Variants in TRDN observed in about 807,000 individuals in gnomAD.
TRDN encodes triadin.
Under a neutral mutation model 149.7 loss-of-function variants are expected in TRDN, and 161 were observed. The observed-to-expected ratio is 1.08, with a 90% CI of 0.95 to 1.23. TRDN has a LOEUF of 1.23. Ranked by LOEUF, TRDN falls within the 50% of genes most tolerant of loss-of-function variation. The probability of loss-of-function intolerance (pLI) is 0.00; values close to 1 mark genes in which losing one functional copy is unlikely to be tolerated. For synonymous variants in TRDN, 294 were observed against 250.5 expected (o/e 1.17, Z -1.64); for missense variants, 896 against 823.5 (o/e 1.09, Z -1.08).
intron 1 of TRDN, among the ~76,000 whole-genome samples, chr6:123,588,096 C>T (rs570513934): frequency 6.6e-6 from 1 of 152,030 alleles, no homozygotes; most frequent in African/African-American, 2.4e-5. Context: ...TATCAGACCC[C>T]AAAAGGTGCT....
intron 38 of TRDN, among the ~76,000 whole-genome samples, chr6:123,225,009 G>GAGCCATATATTT (rs1322838596): frequency 2.6e-5 from 4 of 151,738 alleles, no homozygotes; most frequent in Non-Finnish European, 5.9e-5. Flanking sequence ...ATATCCAAAG[G>GAGCCATATATTT]AGGTTGATAC....
At chr6:123,629,466 A>G (rs890074563) in intron 1 of TRDN, among the ~76,000 whole-genome samples, 3 of 152,176 alleles carry the variant, frequency 2.0e-5, no homozygotes, top group Non-Finnish European at 4.4e-5. Context: ...AATGAGTTCC[A>G]GCTTCATGCT....
At chr6:123,367,763 C>G (rs1017254699) in intron 19 of TRDN, among the ~76,000 whole-genome samples, 41 of 152,188 alleles carry the variant, frequency 2.7e-4, no homozygotes, top group Non-Finnish European at 2.1e-4. Context: ...TGAGAACCTG[C>G]ATTTCTAACC....
chr6:123,507,231 T>C (rs1473775002), intron 7 of TRDN, among the ~76,000 whole-genome samples: 2 of 152,126 alleles, frequency 1.3e-5, no homozygotes, highest in Non-Finnish European at 2.9e-5. Context: ...ATGACAGCTA[T>C]CTACTCCTTG....
intron 7 of TRDN, among the ~76,000 whole-genome samples, chr6:123,508,020 C>A (rs941723933): frequency 2.7e-4 from 41 of 151,384 alleles, no homozygotes; most frequent in African/African-American, 9.9e-4. Flanking sequence ...ACTGTAACTG[C>A]CTCTTCCTCT....
chr6:123,509,120 G>A (rs948690225), intron 7 of TRDN, among the ~76,000 whole-genome samples: 1 of 151,262 alleles, frequency 6.6e-6, no homozygotes, highest in Non-Finnish European at 1.5e-5. Flanking sequence ...TTTTAAACAG[G>A]CACATATATA....
chr6:123,595,274 C>A (rs1040042703), intron 1 of TRDN, among the ~76,000 whole-genome samples: 8 of 151,992 alleles, frequency 5.3e-5, no homozygotes, highest in African/African-American at 1.9e-4. Flanking sequence ...CTTTTACAAA[C>A]CTCATCATTC....
chr6:123,328,739 G>A lies in TRDN; in HGVS notation c.1471+3140C>T, dbSNP rs186449721. The stretch of plus-strand genomic sequence containing the variant: ...ACTGTAGCACCAGAGAACTATTTAC[G>A]GCAACTGTTTTTCACCTTCTTTTCT... On this transcript the variant is annotated intron_variant, in intron 23 of 40. Coordinates refer to ENST00000334268, the MANE Select transcript of TRDN (RefSeq NM_006073.4). 4.9e-3 allele frequency among the ~76,000 whole-genome samples: 740 copies of A among 152,148 alleles called. 5 individuals are homozygous for A. The highest frequency in any genetic ancestry group is 8.1e-3 in the Non-Finnish European group (554 of 67,990).
chr6:123,464,926 G>A lies in TRDN; in HGVS notation c.911C>T (p.Pro304Leu), dbSNP rs750105528. Residue 304 changes from proline (P) to leucine (L), a missense_variant, in exon 10 of 41, where the codon CCG becomes CTG. Pro to Leu is a moderately conservative substitution (Grantham distance 98). Transcript: ENST00000334268. ...CTTGCCTTCAAGGGCAGGTGATGCC[G>A]GAGTGGGTCTGGAAGCTTGTTCTGT... is the stretch of plus-strand genomic sequence containing the variant. ...LPTEQASRPT[P>L]ASPALEEKEG... The A allele has an allele frequency of 5.4e-5, 86 of 1,593,550 alleles. No individual in the cohort carries two copies. The highest frequency in any genetic ancestry group is 6.6e-5 in the Non-Finnish European group (77 of 1,169,608).
chr6:123,565,909 G>T (rs1412200777), intron 2 of TRDN, among the ~76,000 whole-genome samples: 2 of 152,204 alleles, frequency 1.3e-5, no homozygotes, highest in African/African-American at 4.8e-5. Context: ...GTCAGTTTCA[G>T]TTTGTCCCAA....
intron 8 of TRDN, chr6:123,498,302 T>C (rs1324305161): frequency 3.6e-6 from 1 of 274,304 alleles, no homozygotes; most frequent in Non-Finnish European, 7.4e-6. Context: ...CAGATACACC[T>C]CTAAGGATTT....
At chr6:123,352,416 AC>A (rs1257309684) in intron 21 of TRDN, 122 bp downstream of exon 21, 1 of 1,430,970 alleles carries the variant, frequency 7.0e-7, no homozygotes, top group Non-Finnish European at 9.1e-7. Context: ...ACATGCAAGG[AC>A]AGTGATAAAG....
chr6:123,628,841 C>A, intron 1 of TRDN, among the ~76,000 whole-genome samples: 1 of 152,038 alleles, frequency 6.6e-6, no homozygotes, highest in Non-Finnish European at 1.5e-5. Flanking sequence ...TGAATAAAAC[C>A]AAACCTCTGG....
rs550565405 is a variant in TRDN, at chr6:123,524,319, T to C, written c.484+6187A>G. On this transcript the variant is annotated intron_variant, in intron 5 of 40. Transcript: ENST00000334268. ...TACCTGTGTAAAGTCAGGTGGGAAT[T>C]TTATAAGAAGGCTCAGAGACTTTAT... is the stretch of plus-strand genomic sequence containing the variant. Among the ~76,000 whole-genome samples the C allele has an allele frequency of 3.3e-4, 51 of 152,248 alleles. No homozygotes were observed. The South Asian group carries it at 4.6e-3, about 14-fold the overall frequency.
At chr6:123,232,728 A>T (rs1278446202) in intron 38 of TRDN, among the ~76,000 whole-genome samples, 4 of 151,998 alleles carry the variant, frequency 2.6e-5, no homozygotes, top group Non-Finnish European at 5.9e-5. Context: ...ACAAAAGAGT[A>T]AAAAGAGATT....
intron 2 of TRDN, among the ~76,000 whole-genome samples, chr6:123,564,822 G>A (rs1782197767): frequency 6.6e-6 from 1 of 152,154 alleles, no homozygotes; most frequent in Non-Finnish European, 1.5e-5. Context: ...TACAAAATTG[G>A]TTTGAAATAA....
At chr6:123,508,236 C>T (rs928247051) in intron 7 of TRDN, among the ~76,000 whole-genome samples, 1 of 151,956 alleles carries the variant, frequency 6.6e-6, no homozygotes, top group Non-Finnish European at 1.5e-5. Context: ...TATCAAAAAG[C>T]CATTTATCAA....
intron 38 of TRDN, 129 bp downstream of exon 38, chr6:123,252,283 C>A: frequency 2.3e-6 from 1 of 443,004 alleles, no homozygotes; most frequent in Non-Finnish European, 4.0e-6. Flanking sequence ...CTAATAAATT[C>A]CTGTCAGAGG....
chr6:123,359,359 A>G lies in TRDN; in HGVS notation c.1322-6773T>C, dbSNP rs950691711. 2.0e-5 allele frequency among the ~76,000 whole-genome samples: 3 copies of G among 152,312 alleles called. No individual in the cohort carries two copies. In the East Asian group the frequency reaches 5.8e-4, roughly 29 times the overall value. On this transcript the variant is annotated intron_variant, in intron 20 of 40. Coordinates refer to ENST00000334268, the MANE Select transcript of TRDN (RefSeq NM_006073.4). ...TAGGAGCCAGTTCTTGGGGCACTCT[A>G]TATGCCATTTTAACAAGCTTGGATT...
Sources: allele counts gnomAD v4.1 joint callset (sites outside exome capture counted in the v4.1 genomes callset), GRCh38; gene constraint gnomAD v4.1.1; transcripts MANE v1.5; gene names NCBI Gene and HGNC (gene_info 2026-07-23, HGNC 2026-07-21).